The following PLCH1 variants were observed in gnomAD, a reference collection of about 807,000 sequenced individuals.
PLCH1 encodes the protein phospholipase C eta 1.
Under a neutral mutation model 126.7 loss-of-function variants are expected in PLCH1, and 60 were observed. The ratio of observed to expected loss-of-function variants is 0.47; its 90% CI spans 0.38 to 0.59. The LOEUF (loss-of-function observed/expected upper bound fraction) is 0.59. Ranked by LOEUF, PLCH1 falls within the 20% of genes least tolerant of loss-of-function variation. The pLI, the probability that PLCH1 is intolerant of heterozygous loss-of-function variation, is 0.00. For synonymous variants in PLCH1, 719 were observed against 734.9 expected, an observed-to-expected ratio of 0.98 and a Z score of 0.35; for missense variants, 1,723 against 2,040.0, an observed-to-expected ratio of 0.84 and a Z score of 2.99.
chr3:155,498,136 G>C (rs1560072703), intron 14 of PLCH1, among the ~76,000 whole-genome samples: 1 of 152,156 alleles, frequency 6.6e-6, no homozygotes, highest in Admixed American at 6.5e-5. Flanking sequence ...TGTGTCATCT[G>C]GTAGACATCT....
At chr3:155,718,133 G>A (rs1453359695) in intron 1 of PLCH1, among the ~76,000 whole-genome samples, 1 of 152,146 alleles carries the variant, frequency 6.6e-6, no homozygotes, top group Non-Finnish European at 1.5e-5. Context: ...TGAACAGAAT[G>A]CAGCCAAATT....
intron 10 of PLCH1, among the ~76,000 whole-genome samples, chr3:155,534,623 A>T (rs1025258347): frequency 6.6e-6 from 1 of 152,200 alleles, no homozygotes; most frequent in Non-Finnish European, 1.5e-5. Flanking sequence ...GAGATGTGGG[A>T]GCAGCCAGGA....
At chr3:155,454,819 T>C (rs772059944) in intron 21 of PLCH1, among the ~76,000 whole-genome samples, 4 of 152,212 alleles carry the variant, frequency 2.6e-5, no homozygotes, top group Non-Finnish European at 5.9e-5. Flanking sequence ...TCCTCTGCTA[T>C]ACCTACAAGG....
chr3:155,539,114 A>G (rs149925871), intron 10 of PLCH1, among the ~76,000 whole-genome samples: 217 of 152,326 alleles, frequency 1.4e-3, no homozygotes, highest in African/African-American at 5.1e-3. Context: ...ACAAGTCAAT[A>G]AATGTGATAT....
chr3:155,732,955 A>C (rs1224123373), intron 1 of PLCH1, among the ~76,000 whole-genome samples: 2 of 152,042 alleles, frequency 1.3e-5, no homozygotes, highest in African/African-American at 4.8e-5. Context: ...AATCAAGAAA[A>C]TAATCCCATT....
intron 2 of PLCH1, among the ~76,000 whole-genome samples, chr3:155,610,685 C>A (rs1026523600): frequency 6.6e-6 from 1 of 151,926 alleles, no homozygotes; most frequent in Non-Finnish European, 1.5e-5. Context: ...ACTACCACAC[C>A]AGCACTACAA....
intron 10 of PLCH1, among the ~76,000 whole-genome samples, chr3:155,526,249 T>A (rs576678443): frequency 6.6e-6 from 1 of 152,094 alleles, no homozygotes; most frequent in East Asian, 1.9e-4. Flanking sequence ...CTGGACCTAG[T>A]GCCCGACATC....
intron 1 of PLCH1, among the ~76,000 whole-genome samples, chr3:155,719,378 A>C (rs533846115): frequency 2.0e-5 from 3 of 151,354 alleles, no homozygotes; most frequent in Non-Finnish European, 2.9e-5. Context: ...GGGTTGGGGG[A>C]GGGGGAAGGG....
intron 2 of PLCH1, among the ~76,000 whole-genome samples, chr3:155,604,063 C>T (rs1320257721): frequency 1.3e-5 from 2 of 152,144 alleles, no homozygotes; most frequent in African/African-American, 2.4e-5. Context: ...TGCACCATTG[C>T]ACCCCAGCCT....
intron 2 of PLCH1, among the ~76,000 whole-genome samples, chr3:155,696,968 T>G (rs951571932): frequency 6.6e-6 from 1 of 152,234 alleles, no homozygotes; most frequent in Non-Finnish European, 1.5e-5. Flanking sequence ...CTCATCCACC[T>G]GGGCTTCCCA....
chr3:155,454,792 T>G (rs73011523), intron 21 of PLCH1, among the ~76,000 whole-genome samples: 4,892 of 152,330 alleles, frequency 0.032, 265 homozygotes, highest in African/African-American at 0.11. Flanking sequence ...CTTCCTGGAC[T>G]ACATGACTTG....
intron 1 of PLCH1, among the ~76,000 whole-genome samples, chr3:155,738,283 C>G (rs574754127): frequency 4.4e-4 from 67 of 152,222 alleles, no homozygotes; most frequent in African/African-American, 1.5e-3. Context: ...AGCCTGGAGT[C>G]AGGTACTAGG....
chr3:155,704,095 G>T (rs1230751752), intron 2 of PLCH1, 51 bp downstream of exon 2: 5 of 811,362 alleles, frequency 6.2e-6, no homozygotes, highest in Non-Finnish European at 8.3e-6. Flanking sequence ...TAAAAGTCCT[G>T]TCAGAAACAA....
chr3:155,456,367 A>C lies in PLCH1; in HGVS notation c.2938+28989T>G, dbSNP rs1051429677. On this transcript the variant is annotated intron_variant, in intron 21 of 21. Transcript: ENST00000494598. ...AAAAAAAAAAATCTCATAATGGTTT[A>C]AGAAAGTTTACAAATTTGTGTTGGG... Among the ~76,000 whole-genome samples, 6 of 151,856 alleles carry C rather than the reference A, an allele frequency of 4.0e-5. No individual in the cohort carries two copies. The East Asian group carries it at 1.2e-3, about 29-fold the overall frequency.
intron 21 of PLCH1, among the ~76,000 whole-genome samples, chr3:155,451,127 A>G (rs879822049): frequency 6.6e-6 from 1 of 152,138 alleles, no homozygotes; most frequent in Non-Finnish European, 1.5e-5. Flanking sequence ...ATGAGTCCAT[A>G]CTGATACCAA....
chr3:155,534,586 T>C (rs999582856), intron 10 of PLCH1, among the ~76,000 whole-genome samples: 2 of 152,104 alleles, frequency 1.3e-5, no homozygotes, highest in Non-Finnish European at 2.9e-5. Flanking sequence ...TGGAAAGACA[T>C]GACTGTGTTT....
At chr3:155,732,647 G>A (rs1748855287) in intron 1 of PLCH1, among the ~76,000 whole-genome samples, 1 of 152,080 alleles carries the variant, frequency 6.6e-6, no homozygotes. Flanking sequence ...GGAAGCTGAG[G>A]CAGGCGAATC....
chr3:155,562,159 A>G (rs1727716989), intron 8 of PLCH1, among the ~76,000 whole-genome samples: 1 of 152,290 alleles, frequency 6.6e-6, no homozygotes, highest in South Asian at 2.1e-4. Flanking sequence ...TGTAAATTAA[A>G]ACACCATGTA....
At chr3:155,696,745 T>G (rs1745841916) in intron 2 of PLCH1, among the ~76,000 whole-genome samples, 1 of 152,142 alleles carries the variant, frequency 6.6e-6, no homozygotes, top group Admixed American at 6.5e-5. Flanking sequence ...AATTACCAAT[T>G]CCAATTGCCA....
Sources: allele counts gnomAD v4.1 joint callset (sites outside exome capture counted in the v4.1 genomes callset), GRCh38; gene constraint gnomAD v4.1.1; transcripts MANE v1.5; gene names NCBI Gene and HGNC (gene_info 2026-07-23, HGNC 2026-07-21).